TRDN: variants seen among roughly 807,000 people sequenced by gnomAD.
The protein encoded by TRDN is triadin in skeletal muscle.
Under a neutral mutation model 149.7 loss-of-function variants are expected in TRDN, and 161 were observed. The ratio of observed to expected loss-of-function variants is 1.08; its 90% CI spans 0.95 to 1.23. TRDN has a LOEUF of 1.23. Ranked by LOEUF, TRDN falls within the 50% of genes most tolerant of loss-of-function variation. TRDN has a pLI of 0.00. For synonymous variants in TRDN, 294 were observed against 250.5 expected (o/e 1.17, Z -1.64); for missense variants, 896 against 823.5 (o/e 1.09, Z -1.08).
chr6:123,612,632 G>A (rs374588903), intron 1 of TRDN, among the ~76,000 whole-genome samples: 213 of 152,082 alleles, frequency 1.4e-3, no homozygotes, highest in African/African-American at 4.9e-3. Context: ...TGAACTCCTG[G>A]CCTCAAGGGA....
At chr6:123,270,599 G>C (rs1200867195) in intron 30 of TRDN, among the ~76,000 whole-genome samples, 1 of 151,888 alleles carries the variant, frequency 6.6e-6, no homozygotes, top group Admixed American at 6.6e-5. Flanking sequence ...CTTCTGAATT[G>C]CAAGAGTATG....
At chr6:123,232,650 C>T (rs1218364107) in intron 38 of TRDN, among the ~76,000 whole-genome samples, 3 of 151,856 alleles carry the variant, frequency 2.0e-5, no homozygotes, top group African/African-American at 4.8e-5. Context: ...AAAAGGAATA[C>T]AGAATGTAAA....
At chr6:123,432,908 T>C (rs1774390573) in intron 12 of TRDN, among the ~76,000 whole-genome samples, 1 of 152,020 alleles carries the variant, frequency 6.6e-6, no homozygotes, top group Non-Finnish European at 1.5e-5. Flanking sequence ...TTTGTAGGTG[T>C]TGGACTTCCC....
chr6:123,408,495 T>A (rs1479980629), intron 12 of TRDN, among the ~76,000 whole-genome samples: 1 of 151,940 alleles, frequency 6.6e-6, no homozygotes, highest in Non-Finnish European at 1.5e-5. Flanking sequence ...CTGGTCAACA[T>A]GGAGAAACCC....
intron 24 of TRDN, among the ~76,000 whole-genome samples, chr6:123,286,567 G>A (rs1246579153): frequency 6.6e-6 from 1 of 151,886 alleles, no homozygotes; most frequent in Non-Finnish European, 1.5e-5. Flanking sequence ...ACTACAAATT[G>A]GGTTCAGTGT....
intron 8 of TRDN, 192 bp downstream of exon 8, chr6:123,503,527 C>T: frequency 1.4e-6 from 2 of 1,420,536 alleles, no homozygotes; most frequent in Non-Finnish European, 1.8e-6. Flanking sequence ...TCTGTGAACA[C>T]ATTTTAGTAT....
At chr6:123,349,604 G>A in intron 21 of TRDN, 1 of 897,802 alleles carries the variant, frequency 1.1e-6, no homozygotes, top group Non-Finnish European at 1.3e-6. Flanking sequence ...TAAATCTTCT[G>A]TTTTACTTCA....
rs188033329 is a variant in TRDN at position 123,495,197 on chromosome 6, G to T, written c.853+1996C>A. 2.2e-3 allele frequency among the ~76,000 whole-genome samples: 333 copies of T among 152,066 alleles called. 3 individuals carry two copies. Among genetic ancestry groups the T allele is most frequent in the African/African-American group, 7.7e-3 (319 of 41,480 alleles). ...CCCTACCAAGTAGCTGGGACAATGG[G>T]TGCATACCGCCATGCCCAGATAATT... On this transcript the variant is annotated intron_variant, in intron 9 of 40. Transcript: ENST00000334268.
chr6:123,472,122 G>A (rs890634454), intron 9 of TRDN, among the ~76,000 whole-genome samples: 5 of 152,324 alleles, frequency 3.3e-5, no homozygotes, highest in Non-Finnish European at 7.3e-5. Flanking sequence ...AGCTCCCAGC[G>A]TGAGCGACGC....
At chr6:123,278,579 A>T (rs1777459985) in intron 25 of TRDN, among the ~76,000 whole-genome samples, 1 of 152,190 alleles carries the variant, frequency 6.6e-6, no homozygotes, top group Non-Finnish European at 1.5e-5. Context: ...TTTGAGAGCC[A>T]GGCATGGTGG....
At position 123,313,434 on chromosome 6, in the gene TRDN, A is replaced by G. The variant is rs550543957; in HGVS notation, c.1510+3023T>C. Reference sequence around the variant, plus strand: ...ATCTTTGTGGGCTTATTTACCTTCAATCTTTGAGGTTGCTGCCCTTTGAAT... The same window carrying G: ...ATCTTTGTGGGCTTATTTACCTTCAGTCTTTGAGGTTGCTGCCCTTTGAAT... On this transcript the variant is annotated intron_variant, in intron 24 of 40. Transcript: ENST00000334268. Among the ~76,000 whole-genome samples, 19 of 151,958 alleles carry G rather than the reference A, an allele frequency of 1.3e-4. No homozygotes were observed. The East Asian group carries it at 3.1e-3, about 25-fold the overall frequency.
intron 1 of TRDN, among the ~76,000 whole-genome samples, chr6:123,607,767 C>T (rs772984314): frequency 1.3e-5 from 2 of 151,914 alleles, no homozygotes; most frequent in African/African-American, 2.4e-5. Flanking sequence ...TACTGTTAAG[C>T]TATTTCATGG....
At chr6:123,230,984 T>C (rs569607654) in intron 38 of TRDN, among the ~76,000 whole-genome samples, 2 of 152,000 alleles carry the variant, frequency 1.3e-5, no homozygotes, top group African/African-American at 2.4e-5. Flanking sequence ...TTATGAATTA[T>C]GGGGAAAATA....
chr6:123,263,514 A>T (rs141618825), intron 33 of TRDN, among the ~76,000 whole-genome samples: 3 of 152,024 alleles, frequency 2.0e-5, no homozygotes, highest in Non-Finnish European at 4.4e-5. Context: ...TAAGCTTTCA[A>T]TGTAGACAAA....
At chr6:123,451,545 A>G (rs904992834) in intron 10 of TRDN, among the ~76,000 whole-genome samples, 1 of 152,114 alleles carries the variant, frequency 6.6e-6, no homozygotes, top group African/African-American at 2.4e-5. Flanking sequence ...CCTAGTTTAA[A>G]TCAGGAAGAA....
chr6:123,462,443 C>T (rs1181648447), intron 10 of TRDN: 1 of 152,126 alleles, frequency 6.6e-6, no homozygotes, highest in Non-Finnish European at 1.5e-5. Context: ...GTAGTATTGG[C>T]TTTACAGATT....
chr6:123,230,006 C>T (rs1775537471), intron 38 of TRDN, among the ~76,000 whole-genome samples: 1 of 151,722 alleles, frequency 6.6e-6, no homozygotes, highest in South Asian at 2.1e-4. Flanking sequence ...ATATTAAAGA[C>T]CCCAAAATAT....
intron 2 of TRDN, among the ~76,000 whole-genome samples, chr6:123,553,965 T>C (rs909965827): frequency 6.6e-6 from 1 of 152,152 alleles, no homozygotes; most frequent in Non-Finnish European, 1.5e-5. Context: ...CAGTTTAATT[T>C]TCATGACCAT....
At chr6:123,506,868 AT>A (rs1778949592) in intron 7 of TRDN, among the ~76,000 whole-genome samples, 1 of 152,076 alleles carries the variant, frequency 6.6e-6, no homozygotes, top group Non-Finnish European at 1.5e-5. Flanking sequence ...TAAATTATAC[AT>A]TTTATTCTTT....
Sources: gnomAD v4.1 joint callset for allele counts (sites outside exome capture counted in the v4.1 genomes callset) on GRCh38, gnomAD v4.1.1 for gene constraint, MANE v1.5 for transcripts, NCBI Gene and HGNC (gene_info 2026-07-23, HGNC 2026-07-21) for gene names.